LUZP1: variants seen among roughly 807,000 people sequenced by gnomAD.
LUZP1 encodes the protein filamin mechanobinding actin cross-linking protein.
LUZP1 carries 25 observed loss-of-function variants against 71.3 expected under a neutral mutation model. The ratio of observed to expected loss-of-function variants is 0.35; its 90% CI spans 0.26 to 0.49. The LOEUF (loss-of-function observed/expected upper bound fraction) is 0.49, where lower values mean the gene tolerates loss of function less well. Ranked by LOEUF, LUZP1 falls within the 20% of genes least tolerant of loss-of-function variation. The pLI is 0.99. For missense variants in LUZP1, 1,142 were observed against 1,300.8 expected (o/e 0.88, Z 1.88); for synonymous variants, 481 against 506.4 (o/e 0.95, Z 0.67).
At chr1:23,162,891 C>G (rs941466258) in intron 2 of LUZP1, 1 of 151,980 alleles carries the variant, frequency 6.6e-6, no homozygotes, top group African/African-American at 2.4e-5. Context: ...AAAGATTACC[C>G]GGGTAGAAGC....
At chr1:23,166,653 CAAAAAAAAAAAAA>C (rs538327046) in intron 2 of LUZP1, among the ~76,000 whole-genome samples, 1 of 70,904 alleles carries the variant, frequency 1.4e-5, no homozygotes, top group Non-Finnish European at 2.8e-5. Flanking sequence ...CACTCCGTCT[CAAAAAAAAAAAAA>C]AAAAAAAAAA....
intron 2 of LUZP1, among the ~76,000 whole-genome samples, chr1:23,161,694 G>A (rs554794585): frequency 6.6e-6 from 1 of 152,296 alleles, no homozygotes; most frequent in Non-Finnish European, 1.5e-5. Flanking sequence ...AAAGTAGCCA[G>A]GAGACGGGCT....
chr1:23,143,022 GT>G (rs1644317271), intron 2 of LUZP1, among the ~76,000 whole-genome samples: 1 of 150,400 alleles, frequency 6.6e-6, no homozygotes, highest in Non-Finnish European at 1.5e-5. Flanking sequence ...TTTCTTTTTT[GT>G]TTTTTGATAG....
At chr1:23,168,495 C>G (rs72657860) in intron 2 of LUZP1, among the ~76,000 whole-genome samples, 20 of 151,314 alleles carry the variant, frequency 1.3e-4, no homozygotes, top group South Asian at 6.4e-4. Flanking sequence ...TTCCCTCCCC[C>G]TCCCGAGGAA....
intron 3 of LUZP1, among the ~76,000 whole-genome samples, chr1:23,102,603 C>A (rs1221119508): frequency 6.6e-6 from 1 of 152,112 alleles, no homozygotes; most frequent in African/African-American, 2.4e-5. Flanking sequence ...GATGAAGCAA[C>A]CACATATATA....
chr1:23,105,509 A>G (rs1238111961), intron 3 of LUZP1, among the ~76,000 whole-genome samples: 2 of 152,208 alleles, frequency 1.3e-5, no homozygotes, highest in East Asian at 3.8e-4. Context: ...TGAATTCTCT[A>G]TGCTTCAATA....
At chr1:23,161,719 A>G (rs1644467787) in intron 2 of LUZP1, among the ~76,000 whole-genome samples, 1 of 152,206 alleles carries the variant, frequency 6.6e-6, no homozygotes, top group Non-Finnish European at 1.5e-5. Flanking sequence ...AGGGCATTAT[A>G]GGTCAAAATA....
chr1:23,120,375 T>A (rs1395321722), intron 2 of LUZP1, among the ~76,000 whole-genome samples: 1 of 148,342 alleles, frequency 6.7e-6, no homozygotes, highest in Non-Finnish European at 1.5e-5. Context: ...AATAAACATA[T>A]ATATATGGAG....
In LUZP1 at chr1:23,093,833, C is replaced by T; in HGVS notation, c.429G>A (p.Glu143=). ...AGATTTTCTTGGTCAGATTTCTCTC[C>T]TCATTCAGGCTCAGACACAGCTGGG... Residue 143 remains glutamate, a synonymous_variant, in exon 4 of 5, where the codon GAG becomes GAA. Coordinates refer to ENST00000302291, the Ensembl canonical transcript of LUZP1. The surrounding 1 kb of genome is among the most constrained non-coding windows in gnomAD (Gnocchi z 4.2). 2 of 1,614,052 alleles carry T rather than the reference C, an allele frequency of 1.2e-6. No individual in the cohort carries two copies. Among genetic ancestry groups the T allele is most frequent in the Non-Finnish European group, 1.7e-6 (2 of 1,179,990 alleles).
chr1:23,108,781 A>G (rs768978558), intron 3 of LUZP1, among the ~76,000 whole-genome samples: 1 of 152,294 alleles, frequency 6.6e-6, no homozygotes, highest in East Asian at 1.9e-4. Context: ...TAGAGTAAAT[A>G]TTCAATAAAT....
chr1:23,149,079 TAAAAAAAAAAAAAAA>T (rs58910170), intron 2 of LUZP1, among the ~76,000 whole-genome samples: 6 of 37,408 alleles, frequency 1.6e-4, no homozygotes, highest in Non-Finnish European at 2.8e-4. Context: ...ACACCTTGCC[TAAAAAAAAAAAAAAA>T]AAAAAAAAAA....
At chr1:23,139,019 A>AAAATATAT (rs1317355746) in intron 2 of LUZP1, among the ~76,000 whole-genome samples, 83 of 59,938 alleles carry the variant, frequency 1.4e-3, no homozygotes, top group South Asian at 4.0e-3. Flanking sequence ...AAAAAAAAAA[A>AAAATATAT]ATATATATAT....
upstream of LUZP1, among the ~76,000 whole-genome samples, chr1:23,178,098 C>G (rs1439572590): frequency 6.6e-6 from 1 of 152,156 alleles, no homozygotes; most frequent in East Asian, 1.9e-4. Flanking sequence ...CCACTTATCC[C>G]AGGAGGAAGC....
At chr1:23,153,974 C>A (rs1030899367) in intron 2 of LUZP1, among the ~76,000 whole-genome samples, 1 of 152,090 alleles carries the variant, frequency 6.6e-6, no homozygotes, top group Non-Finnish European at 1.5e-5. Flanking sequence ...TACATCTATA[C>A]AATAGAATAC....
intron 2 of LUZP1, among the ~76,000 whole-genome samples, chr1:23,117,489 C>A (rs1557653837): frequency 3.0e-5 from 2 of 66,262 alleles, no homozygotes; most frequent in Non-Finnish European, 5.7e-5. Context: ...CCCCCCCCCC[C>A]CCACAATCAG....
intron 2 of LUZP1, among the ~76,000 whole-genome samples, chr1:23,166,045 T>TA (rs1644507212): frequency 8.2e-6 from 1 of 122,598 alleles, no homozygotes; most frequent in African/African-American, 3.5e-5. Flanking sequence ...TTTGTCTTTT[T>TA]ACCAAAAAAA....
At chr1:23,116,585 A>AG (rs1644081167) in intron 2 of LUZP1, among the ~76,000 whole-genome samples, 1 of 85,004 alleles carries the variant, frequency 1.2e-5, no homozygotes, top group Admixed American at 1.1e-4. Flanking sequence ...CTGGACTGTT[A>AG]AAAAAAAAAA....
chr1:23,122,638 A>T (rs1557658716), intron 2 of LUZP1, among the ~76,000 whole-genome samples: 1 of 152,274 alleles, frequency 6.6e-6, no homozygotes. Flanking sequence ...ACACAACTAC[A>T]AGATTCCAGG....
At chr1:23,164,052 G>A (rs1425962525) in intron 2 of LUZP1, 1 of 152,140 alleles carries the variant, frequency 6.6e-6, no homozygotes, top group Admixed American at 6.6e-5. Context: ...TCACCCCTTT[G>A]AGTAGATCTA....
Sources: gnomAD v4.1 joint callset for allele counts (sites outside exome capture counted in the v4.1 genomes callset) on GRCh38, gnomAD v4.1.1 for gene constraint, Gnocchi (gnomAD v3.1) non-coding constraint, MANE v1.5 for transcripts, NCBI Gene and HGNC (gene_info 2026-07-23, HGNC 2026-07-21) for gene names.